The following EPM2A variants were observed in gnomAD, a reference collection of about 807,000 sequenced individuals.
The protein encoded by EPM2A is EPM2A glucan phosphatase, laforin.
Under a neutral mutation model 26.5 loss-of-function variants are expected in EPM2A, and 21 were observed. The observed-to-expected ratio is 0.79, with a 90% CI of 0.56 to 1.14. The LOEUF (loss-of-function observed/expected upper bound fraction) is 1.14, where lower values mean the gene tolerates loss of function less well. Among genes scored for constraint, EPM2A ranks in the 50% most tolerant of loss-of-function variants. The probability of loss-of-function intolerance (pLI) is 0.00; values close to 1 mark genes in which losing one functional copy is unlikely to be tolerated. For missense variants in EPM2A, 458 were observed against 440.8 expected, an observed-to-expected ratio of 1.04 and a Z score of -0.35; for synonymous variants, 217 against 177.6, an observed-to-expected ratio of 1.22 and a Z score of -1.76.
chr6:145,663,399 C>T (rs2128590235), intron 2 of EPM2A, among the ~76,000 whole-genome samples: 1 of 152,336 alleles, frequency 6.6e-6, no homozygotes, highest in Middle Eastern at 3.4e-3. Flanking sequence ...CCAGTGGGTG[C>T]ACGCACCGTG....
At chr6:145,523,339 G>C (rs1780228927) in intron 2 of EPM2A, among the ~76,000 whole-genome samples, 1 of 151,994 alleles carries the variant, frequency 6.6e-6, no homozygotes. Context: ...ATTGTGTTTT[G>C]CAGATACTGA....
At chr6:145,622,414 T>C (rs1775657015), downstream of EPM2A, among the ~76,000 whole-genome samples, 1 of 152,222 alleles carries the variant, frequency 6.6e-6, no homozygotes, top group Non-Finnish European at 1.5e-5. Flanking sequence ...GTCCATTGAT[T>C]TGTGTTTCCC....
intron 4 of EPM2A, among the ~76,000 whole-genome samples, chr6:145,472,961 T>C (rs1484205472): frequency 6.6e-6 from 1 of 151,872 alleles, no homozygotes; most frequent in African/African-American, 2.4e-5. Flanking sequence ...AAAACTACAA[T>C]AAATGCCTAA....
At chr6:145,611,165 A>G (rs1775384793) in intron 2 of EPM2A, among the ~76,000 whole-genome samples, 1 of 152,206 alleles carries the variant, frequency 6.6e-6, no homozygotes, top group Non-Finnish European at 1.5e-5. Context: ...ATCTTTATGA[A>G]AGTAATTCCT....
chr6:145,550,907 G>A (rs908196439), intron 2 of EPM2A, among the ~76,000 whole-genome samples: 2 of 152,092 alleles, frequency 1.3e-5, no homozygotes, highest in South Asian at 4.2e-4. Context: ...TAAGTCAACA[G>A]TAGGGTATTA....
intron 2 of EPM2A, among the ~76,000 whole-genome samples, chr6:145,611,429 A>G (rs1775389561): frequency 1.3e-5 from 2 of 151,956 alleles, no homozygotes; most frequent in Non-Finnish European, 1.5e-5. Flanking sequence ...TTCCAAAGAC[A>G]GCCATCTCCA....
At chr6:145,409,403 G>T (rs1778613556) in intron 4 of EPM2A, among the ~76,000 whole-genome samples, 1 of 152,098 alleles carries the variant, frequency 6.6e-6, no homozygotes, top group South Asian at 2.1e-4. Flanking sequence ...TATATATAAA[G>T]CATCTTAGTA....
chr6:145,706,336 T>C (rs1583092144), intron 1 of EPM2A, among the ~76,000 whole-genome samples: 1 of 152,222 alleles, frequency 6.6e-6, no homozygotes, highest in Non-Finnish European at 1.5e-5. Flanking sequence ...CTAATTTATA[T>C]ATATGTAAAC....
intron 2 of EPM2A, among the ~76,000 whole-genome samples, chr6:145,580,600 C>T (rs1057401485): frequency 2.0e-5 from 3 of 152,076 alleles, no homozygotes; most frequent in African/African-American, 7.2e-5. Flanking sequence ...GTTTGGTGTA[C>T]AGATTATTTC....
At chr6:145,694,240 T>C (rs554186597) in intron 1 of EPM2A, among the ~76,000 whole-genome samples, 1 of 152,034 alleles carries the variant, frequency 6.6e-6, no homozygotes, top group Non-Finnish European at 1.5e-5. Context: ...TAATTTTAAC[T>C]ATTAACTCAC....
chr6:145,631,248 T>C (rs1776230116), intron 3 of EPM2A: 2 of 152,082 alleles, frequency 1.3e-5, no homozygotes, highest in Admixed American at 1.3e-4. Flanking sequence ...TTCATCTTGA[T>C]GTACCCAGCT....
intron 2 of EPM2A, among the ~76,000 whole-genome samples, chr6:145,591,467 A>G (rs1781272380): frequency 6.6e-6 from 1 of 152,190 alleles, no homozygotes; most frequent in East Asian, 1.9e-4. Context: ...AGGGGAGGAA[A>G]TAACTTTACC....
chr6:145,406,480 G>T (rs1778571275), intron 4 of EPM2A, among the ~76,000 whole-genome samples: 1 of 152,130 alleles, frequency 6.6e-6, no homozygotes, highest in Admixed American at 6.6e-5. Flanking sequence ...GTGTGAAAGT[G>T]GTAGTAAGAA....
Position 145,627,467 on chromosome 6 carries a change from T to C in EPM2A, c.945A>G (p.Glu315=). Residue 315 remains glutamate (E), a synonymous_variant, in exon 4 of 4, where the codon GAA becomes GAG. Coordinates refer to ENST00000367519, the MANE Select transcript of EPM2A (RefSeq NM_005670.4). ...CCTTCCCAAATTTCTGGAAAAAATC[T>C]TCTTGTGCCCGGGCCAAGGCCTCTT... ...IDEEALARAQ[E]DFFQKFGKVR... is the part of the protein sequence containing the mutation. 2 of 1,614,244 alleles carry C rather than the reference T, an allele frequency of 1.2e-6. No homozygotes were observed. Among genetic ancestry groups the C allele is most frequent in the South Asian group, 2.2e-5 (2 of 91,086 alleles).
Position 145,626,165 on chromosome 6 carries a change from G to C in EPM2A, c.*1251C>G, listed in dbSNP as rs1226479085. The C allele has an allele frequency of 3.0e-6, 3 of 1,008,148 alleles. No homozygotes were observed. Among genetic ancestry groups the C allele is most frequent in the Non-Finnish European group, 3.6e-6 (3 of 843,346 alleles). The allele number at this position is 1,008,148 out of a possible 1,614,324, so 62.5% of individuals were successfully genotyped here. ...TCTTCTATTCTAGCATATCATTCAT[G>C]GTCCAATCCTGCATTACAGTTGGTT... On this transcript the variant is annotated 3_prime_UTR_variant, in exon 4 of 4. Coordinates refer to ENST00000367519, the MANE Select transcript of EPM2A (RefSeq NM_005670.4).
chr6:145,686,095 T>C (rs1780886247), intron 2 of EPM2A, 27 bp downstream of exon 2: 2 of 1,593,228 alleles, frequency 1.3e-6, no homozygotes, highest in African/African-American at 1.3e-5. Context: ...CCTACTTCTA[T>C]GCCTATAAAT....
chr6:145,434,575 A>G (rs887421568), intron 4 of EPM2A, among the ~76,000 whole-genome samples: 2 of 151,892 alleles, frequency 1.3e-5, no homozygotes, highest in African/African-American at 4.8e-5. Flanking sequence ...CCATCTTTTC[A>G]CCTATTGGCT....
chr6:145,422,247 T>C (rs950203847), intron 4 of EPM2A, among the ~76,000 whole-genome samples: 2 of 147,020 alleles, frequency 1.4e-5, no homozygotes, highest in Admixed American at 1.4e-4. Flanking sequence ...ATACATGATA[T>C]ATAAATATAA....
rs1022118356 is a variant in EPM2A at position 145,479,313 on chromosome 6, A to G, written c.555+23209T>C. 3.9e-4 allele frequency among the ~76,000 whole-genome samples: 58 copies of G among 146,920 alleles called. 4 individuals carry two copies. ...TTTAACTATATATATATACATATAT[A>G]TGTGTATATATATATATATGATTCA... On this transcript the variant is annotated intron_variant, in intron 4 of 4. Coordinates refer to the EPM2A transcript ENST00000638717.
Sources: allele counts gnomAD v4.1 joint callset (sites outside exome capture counted in the v4.1 genomes callset), GRCh38; gene constraint gnomAD v4.1.1; transcripts MANE v1.5; gene names NCBI Gene and HGNC (gene_info 2026-07-23, HGNC 2026-07-21).